Variants in ARPC5L observed in about 807,000 individuals in gnomAD.
ARPC5L encodes actin related protein 2/3 complex subunit 5 like.
In ARPC5L, 4 loss-of-function variants were observed where a neutral mutation model predicts 16.9. The observed-to-expected ratio is 0.24, with a 90% CI of 0.12 to 0.54. The LOEUF (loss-of-function observed/expected upper bound fraction) is 0.54. Ranked by LOEUF, ARPC5L falls within the 20% of genes least tolerant of loss-of-function variation. ARPC5L has a pLI of 0.95. For synonymous variants in ARPC5L, 78 were observed against 82.6 expected (o/e 0.94, Z 0.30); for missense variants, 151 against 201.9 (o/e 0.75, Z 1.53).
rs1829257189 is a variant in ARPC5L at position 124,865,530 on chromosome 9, C to CTT, written c.-864+1424_-864+1425insTT. Among the ~76,000 whole-genome samples, 3 of 152,244 alleles carry CTT rather than the reference C, an allele frequency of 2.0e-5. No individual in the cohort carries two copies. The South Asian group carries it at 6.2e-4, about 32-fold the overall frequency. On this transcript the variant is annotated intron_variant, in intron 2 of 5. Coordinates refer to ENST00000353214, the MANE Select transcript of ARPC5L (RefSeq NM_030978.3). ...TAAGGCCGGGTGAGGTGGCTCACGT[C>CTT]TGTAATCCTAGCACTTTGGGAGGCC...
Position 124,869,389 on chromosome 9 carries a change from G to A in ARPC5L, c.99G>A (p.Ala33=). The change falls in exon 3 of 6, where the codon GCG becomes GCA. Residue 33 remains alanine (A), a synonymous_variant. Coordinates refer to ENST00000353214, the MANE Select transcript of ARPC5L (RefSeq NM_030978.3). Reference sequence around the variant, plus strand: ...ACGAGCAGGAGGAGGCGGCGGCGGCGGCGGCGGAGCCAGGCCCGGACCCGA... The same window carrying A: ...ACGAGCAGGAGGAGGCGGCGGCGGCAGCGGCGGAGCCAGGCCCGGACCCGA... ...FVDEQEEAAA[A]AAEPGPDPSE... 1 of 1,512,472 alleles carries A rather than the reference G, an allele frequency of 6.6e-7. No homozygotes were observed. 93.7% of individuals were successfully genotyped at this position (1,512,472 alleles called of 1,614,324 possible). A position where few individuals can be genotyped will look rare whatever the true frequency, so the allele number is the denominator to read the frequency against.
In ARPC5L at chr9:124,874,998, G is replaced by GA; in HGVS notation, c.249dup (p.Val84SerfsTer9). The GA allele has an allele frequency of 1.9e-6, 3 of 1,613,976 alleles. No individual in the cohort carries two copies. The highest frequency in any genetic ancestry group is 2.5e-6 in the Non-Finnish European group (3 of 1,179,882). On this transcript the variant is annotated frameshift_variant, in exon 5 of 6. Transcript: ENST00000353214. LOFTEE classifies it high-confidence loss of function. Reference sequence around the variant, plus strand: ...AGGAGCGAGCCCAGGGCGTGGTGCTGAAAGTGCTCACAAACTTCAAGAGCA... The same window carrying GA: ...AGGAGCGAGCCCAGGGCGTGGTGCTGAAAAGTGCTCACAAACTTCAAGAGCA...
chr9:124,865,368 G>A (rs1242892047), intron 2 of ARPC5L, among the ~76,000 whole-genome samples: 1 of 149,406 alleles, frequency 6.7e-6, no homozygotes, highest in Non-Finnish European at 1.5e-5. Context: ...TGCCTTTGCT[G>A]TTATATTTTT....
At chr9:124,876,739 G>A (rs921877754) in intron 5 of ARPC5L, 139 bp from the exon 6 acceptor site, 43 of 683,426 alleles carry the variant, frequency 6.3e-5, no homozygotes, top group Non-Finnish European at 9.1e-5. Context: ...TCCCTAGAAT[G>A]TGCTCTATCT....
rs772158606 is a variant in ARPC5L at position 124,869,280 on chromosome 9, G to A, written c.-11G>A. The A allele has an allele frequency of 2.0e-6, 3 of 1,515,258 alleles. No individual in the cohort carries two copies. The highest frequency in any genetic ancestry group is 2.6e-6 in the Non-Finnish European group (3 of 1,132,454). The allele number at this position is 1,515,258 out of a possible 1,614,324, so 93.9% of individuals were successfully genotyped here. On this transcript the variant is annotated 5_prime_UTR_variant, in exon 3 of 6. Transcript: ENST00000353214. ...GAGCGGAGCCGGCTGAGCGGGCGCC[G>A]AGCTCCCGCCATGGCCCGGAACACG...
At chr9:124,867,832 G>A (rs1260951752) in intron 2 of ARPC5L, among the ~76,000 whole-genome samples, 2 of 146,648 alleles carry the variant, frequency 1.4e-5, no homozygotes, top group Non-Finnish European at 3.0e-5. Context: ...TTTTTGAGAC[G>A]GAGTTTTGCT....
intron 5 of ARPC5L, among the ~76,000 whole-genome samples, chr9:124,876,173 T>A (rs1027330863): frequency 6.6e-6 from 1 of 151,904 alleles, no homozygotes; most frequent in Admixed American, 6.6e-5. Flanking sequence ...GGCAATGTAG[T>A]GAGAACCCAT....
At chr9:124,871,300 C>CCTCGG (rs1197594908) in intron 3 of ARPC5L, among the ~76,000 whole-genome samples, 1 of 152,196 alleles carries the variant, frequency 6.6e-6, no homozygotes, top group Non-Finnish European at 1.5e-5. Context: ...GGCTCTGTGA[C>CCTCGG]CTCGGATAGG....
chr9:124,869,549 C>T (rs1036308288), intron 3 of ARPC5L, 110 bp downstream of exon 3: 2 of 1,380,640 alleles, frequency 1.4e-6, no homozygotes, highest in African/African-American at 1.5e-5. Context: ...CGACCCTTGG[C>T]CCCCTCAGGT....
chr9:124,866,814 T>C (rs966139086), intron 2 of ARPC5L, among the ~76,000 whole-genome samples: 13 of 152,242 alleles, frequency 8.5e-5, no homozygotes, highest in African/African-American at 3.1e-4. Context: ...GGATGGTTGC[T>C]GTCACCATCT....
At chr9:124,865,429 T>C (rs1182477479) in intron 2 of ARPC5L, among the ~76,000 whole-genome samples, 2 of 152,114 alleles carry the variant, frequency 1.3e-5, no homozygotes, top group South Asian at 2.1e-4. Context: ...CTGAAGTCAT[T>C]TGTGACTCTC....
At chr9:124,876,516 T>G (rs927926567) in intron 5 of ARPC5L, among the ~76,000 whole-genome samples, 4 of 152,140 alleles carry the variant, frequency 2.6e-5, no homozygotes, top group African/African-American at 7.2e-5. Context: ...GGCCTGGTGG[T>G]GCACACCTGT....
chr9:124,876,420 G>GA (rs201582594), intron 5 of ARPC5L, among the ~76,000 whole-genome samples: 2,777 of 152,240 alleles, frequency 0.018, 81 homozygotes, highest in African/African-American at 0.061. Context: ...TGGGGAGGCA[G>GA]GGTTGCAGTG....
intron 3 of ARPC5L, among the ~76,000 whole-genome samples, chr9:124,871,510 C>G (rs1352141340): frequency 6.6e-6 from 1 of 152,138 alleles, no homozygotes; most frequent in African/African-American, 2.4e-5. Flanking sequence ...GCCGTGTAGA[C>G]AGCTTAGTTT....
intron 2 of ARPC5L, among the ~76,000 whole-genome samples, chr9:124,866,651 G>C (rs1470308297): frequency 6.6e-6 from 1 of 152,178 alleles, no homozygotes; most frequent in East Asian, 1.9e-4. Context: ...CCGGGAGGCA[G>C]AGGTTGCGGT....
chr9:124,876,810 C>CT, intron 5 of ARPC5L, 68 bp from the exon 6 acceptor site: 1 of 1,351,396 alleles, frequency 7.4e-7, no homozygotes, highest in Non-Finnish European at 1.0e-6. Flanking sequence ...CCCCCTGTCT[C>CT]TGGCAAGCCA....
At chr9:124,868,383 T>A (rs1829300824) in intron 2 of ARPC5L, 45 bp from the exon 3 acceptor site, 1 of 152,202 alleles carries the variant, frequency 6.6e-6, no homozygotes, top group South Asian at 2.1e-4. Flanking sequence ...ATCTGGCACC[T>A]CAGAGTCGTC....
In ARPC5L at chr9:124,869,219, G is replaced by C; in HGVS notation, c.-72G>C. On this transcript the variant is annotated 5_prime_UTR_variant, in exon 3 of 6. Transcript: ENST00000353214. Reference sequence around the variant, plus strand: ...AGCCGCTTCCCGCCCCCGAGCAGGAGCCGGTGCGAGCGGAGCAGAGCCGAG... The same window carrying C: ...AGCCGCTTCCCGCCCCCGAGCAGGACCCGGTGCGAGCGGAGCAGAGCCGAG... The C allele has an allele frequency of 7.3e-7, 1 of 1,370,554 alleles. No homozygotes were observed. Among genetic ancestry groups the C allele is most frequent in the African/African-American group, 1.5e-5 (1 of 65,296 alleles). 84.9% of individuals were successfully genotyped at this position (1,370,554 alleles called of 1,614,324 possible). A position where few individuals can be genotyped will look rare whatever the true frequency, so the allele number is the denominator to read the frequency against.
chr9:124,877,015 G>T lies in ARPC5L; in HGVS notation c.*75G>T. 8.4e-7 allele frequency: 1 copy of T among 1,192,504 alleles called. No homozygotes were observed. The highest frequency in any genetic ancestry group is 1.2e-6 in the Non-Finnish European group (1 of 834,668). 73.9% of individuals were successfully genotyped at this position (1,192,504 alleles called of 1,614,324 possible). On this transcript the variant is annotated 3_prime_UTR_variant, in exon 6 of 6. Coordinates refer to ENST00000353214, the MANE Select transcript of ARPC5L (RefSeq NM_030978.3). Reference sequence around the variant, plus strand: ...GCTGGTGAAGAAGGGATTGACAATGGACCATCTTCCTAGGAACTCCCAAGT... The same window carrying T: ...GCTGGTGAAGAAGGGATTGACAATGTACCATCTTCCTAGGAACTCCCAAGT...
Sources: allele counts gnomAD v4.1 joint callset (sites outside exome capture counted in the v4.1 genomes callset), GRCh38; gene constraint gnomAD v4.1.1; transcripts MANE v1.5; gene names NCBI Gene and HGNC (gene_info 2026-07-23, HGNC 2026-07-21).